The following ZP2 variants were observed in gnomAD, a reference collection of about 807,000 sequenced individuals.
ZP2 encodes the protein zona pellucida sperm-binding protein 2.
Under a neutral mutation model 84.0 loss-of-function variants are expected in ZP2, and 51 were observed. The ratio of observed to expected loss-of-function variants is 0.61; its 90% CI spans 0.49 to 0.77. The LOEUF (loss-of-function observed/expected upper bound fraction) is 0.77, where lower values mean the gene tolerates loss of function less well. Among genes scored for constraint, ZP2 ranks in the 30% least tolerant of loss-of-function variants. The pLI is 0.00. For missense variants in ZP2, 909 were observed against 911.9 expected (o/e 1.00, Z 0.04); for synonymous variants, 375 against 330.9 (o/e 1.13, Z -1.45).
At chr16:21,213,686 T>G (rs1234000330), upstream of ZP2, among the ~76,000 whole-genome samples, 5 of 152,162 alleles carry the variant, frequency 3.3e-5, no homozygotes, top group African/African-American at 9.7e-5. Flanking sequence ...GTGGTTAACC[T>G]CCTTACGGGA....
chr16:21,201,274 CTG>C, intron 14 of ZP2, 93 bp downstream of exon 14: 1 of 1,123,800 alleles, frequency 8.9e-7, no homozygotes, highest in Non-Finnish European at 1.2e-6. Flanking sequence ...TCTCACATGA[CTG>C]AATGCTGCTC....
intron 5 of ZP2, among the ~76,000 whole-genome samples, chr16:21,206,319 G>T (rs778086447): frequency 5.9e-5 from 9 of 152,102 alleles, no homozygotes; most frequent in Non-Finnish European, 1.2e-4. Flanking sequence ...TTAAACGTTT[G>T]CCCTTTCACC....
Position 21,197,531 on chromosome 16 carries a change from A to G in ZP2, c.2187T>C (p.Thr729=), listed in dbSNP as rs1353907785. Residue 729 remains threonine, a synonymous_variant, in exon 19 of 19, where the codon ACT becomes ACC. Coordinates refer to ENST00000574091, the MANE Select transcript of ZP2 (RefSeq NM_001376232.1). ...AVAAFAGVVA[T]LGFIYYLYEK... ...CGTACAGGTAGTAGATGAAGCCTAG[A>G]GTTGCCACCACACCTGCAAAGGCAG... 6.2e-7 allele frequency: 1 copy of G among 1,614,058 alleles called. No homozygotes were observed. The highest frequency in any genetic ancestry group is 8.5e-7 in the Non-Finnish European group (1 of 1,180,026).
At chr16:21,201,649 C>T (rs2093225827) in intron 13 of ZP2, 57 bp downstream of exon 13, 17 of 1,612,560 alleles carry the variant, frequency 1.1e-5, no homozygotes, top group Non-Finnish European at 1.4e-5. Context: ...TCAGGATGTT[C>T]ATTTTAGGGA....
Position 21,199,791 on chromosome 16 carries a change from G to A in ZP2, c.1782C>T (p.Asp594=). 6.2e-7 allele frequency: 1 copy of A among 1,614,080 alleles called. No homozygotes were observed. The highest frequency in any genetic ancestry group is 8.5e-7 in the Non-Finnish European group (1 of 1,180,022). ...VTHPDHYQRF[D]MKAFAFVSEA... is the part of the protein sequence containing the mutation. The stretch of plus-strand genomic sequence containing the variant: ...CTGATACAAAGGCAAAAGCCTTCAT[G>A]TCAAACCTCTGATAGTGATCAGGAT... Residue 594 remains aspartate, a synonymous_variant, in exon 15 of 19, where the codon GAC becomes GAT. Transcript: ENST00000574091.
intron 4 of ZP2, among the ~76,000 whole-genome samples, chr16:21,208,602 T>C (rs957735080): frequency 3.9e-5 from 6 of 152,208 alleles, no homozygotes; most frequent in African/African-American, 1.4e-4. Flanking sequence ...CTTAGACAGG[T>C]TGCTTTTATT....
At chr16:21,206,006 T>G (rs568154405) in intron 5 of ZP2, 36 of 555,532 alleles carry the variant, frequency 6.5e-5, no homozygotes, top group African/African-American at 5.9e-4. Context: ...TTGGGACACA[T>G]TTCTCCCCCC....
chr16:21,209,914 C>A, intron 3 of ZP2, 189 bp from the exon 4 acceptor site: 1 of 690,874 alleles, frequency 1.4e-6, no homozygotes. Flanking sequence ...GAGATGCTGG[C>A]ATAAGACACA....
rs1211033676 is a variant in ZP2 at position 21,201,814 on chromosome 16, A to C, written c.1396T>G (p.Ser466Ala). 6.2e-7 allele frequency: 1 copy of C among 1,614,144 alleles called. No homozygotes were observed. The highest frequency in any genetic ancestry group is 8.5e-7 in the Non-Finnish European group (1 of 1,180,006). ...AGTAGCATGTCATTCCTGCTATAAG[A>C]ACACTTCACTGTCATTCTGTAAGAG... ...DSEFRMTVKC[S>A]YSRNDMLLNI... The change falls in exon 13 of 19, where the codon TCT becomes GCT. Residue 466 changes from serine (S) to alanine (A), a missense_variant. Ser to Ala is a moderately conservative substitution (Grantham distance 99, BLOSUM62 1). Transcript: ENST00000574091.
At position 21,211,394 on chromosome 16, in the gene ZP2, T is replaced by C; in HGVS notation, c.64A>G (p.Thr22Ala). Reference protein sequence around the residue: ...PSGWFNAGWSTYRSISLFFAL... With the variant: ...PSGWFNAGWSAYRSISLFFAL... ...AAGAAGAGAGAAATCGACCTGTAGG[T>C]GCTGGAAAGAGACAGGGAGATAGTC... Residue 22 changes from threonine (T) to alanine (A), a missense_variant and splice_region_variant, in exon 2 of 19, where the codon ACC becomes GCC. By Grantham distance (58) the Thr-to-Ala change is moderately conservative (BLOSUM62 0). Coordinates refer to ENST00000574091, the MANE Select transcript of ZP2 (RefSeq NM_001376232.1). 6.2e-7 allele frequency: 1 copy of C among 1,614,118 alleles called. No individual in the cohort carries two copies. The highest frequency in any genetic ancestry group is 8.5e-7 in the Non-Finnish European group (1 of 1,180,020).
intron 9 of ZP2, 133 bp downstream of exon 9, chr16:21,203,897 C>T (rs1454591994): frequency 3.4e-6 from 3 of 871,476 alleles, no homozygotes; most frequent in Non-Finnish European, 5.5e-6. Context: ...TCAAATGAGG[C>T]CTTTTGGAGT....
chr16:21,198,620 G>C (rs183279599), intron 17 of ZP2, among the ~76,000 whole-genome samples, 159 bp downstream of exon 17: 1 of 152,276 alleles, frequency 6.6e-6, no homozygotes, highest in Admixed American at 6.5e-5. Flanking sequence ...AGGGTACACA[G>C]GAGACTTAAT....
rs186418029 is a variant in ZP2, at chr16:21,197,710, A to G, written c.2095+56T>C. 738 of 1,612,324 alleles carry G rather than the reference A, an allele frequency of 4.6e-4. 3 individuals are homozygous for G. The Middle Eastern group carries it at 6.4e-3, about 14-fold the overall frequency. On this transcript the variant is annotated intron_variant, in intron 18 of 18. Transcript: ENST00000574091. ...CATAAGGCTCCCCAGAGAAGGGGGT[A>G]AAACTAAGCCTTCAACAGGCTTATT...
rs1392665691 is a variant in ZP2, at chr16:21,211,474, A to G, written c.62+12T>C. ...TACCATACCCCCTCCCTCCACTTCC[A>G]GAATTACTCACCTCCAGCCTGCATT... On this transcript the variant is annotated intron_variant, in intron 1 of 18. Coordinates refer to ENST00000574091, the MANE Select transcript of ZP2 (RefSeq NM_001376232.1). 4 of 1,614,086 alleles carry G rather than the reference A, an allele frequency of 2.5e-6. No individual in the cohort carries two copies. The highest frequency in any genetic ancestry group is 3.4e-6 in the Non-Finnish European group (4 of 1,179,958).
Position 21,210,701 on chromosome 16 carries a change from A to G in ZP2, c.152-509T>C, listed in dbSNP as rs112340836. 3.3e-3 allele frequency among the ~76,000 whole-genome samples: 503 copies of G among 152,034 alleles called. 1 individual carries two copies. The highest frequency in any genetic ancestry group is 0.011 in the African/African-American group (462 of 41,472). On this transcript the variant is annotated intron_variant, in intron 2 of 18. Coordinates refer to ENST00000574091, the MANE Select transcript of ZP2 (RefSeq NM_001376232.1). Reference sequence around the variant, plus strand: ...GCGATTCTCCTGCCTCAGCCTCCCAAGTAGCTGGGATTACATGTGCCCACC... The same window carrying G: ...GCGATTCTCCTGCCTCAGCCTCCCAGGTAGCTGGGATTACATGTGCCCACC...
upstream of ZP2, among the ~76,000 whole-genome samples, chr16:21,212,118 G>A (rs8053098): frequency 3.0e-3 from 454 of 152,162 alleles, 2 homozygotes; most frequent in African/African-American, 0.01. Flanking sequence ...AGTAAAGATT[G>A]GGTTTCACCG....
At chr16:21,207,098 C>T in intron 4 of ZP2, 108 bp from the exon 5 acceptor site, 1 of 1,329,304 alleles carries the variant, frequency 7.5e-7, no homozygotes, top group Non-Finnish European at 1.0e-6. Context: ...TTACTAATAC[C>T]ACAAGTGCTG....
At chr16:21,206,205 C>T (rs1452476948) in intron 5 of ZP2, among the ~76,000 whole-genome samples, 1 of 152,158 alleles carries the variant, frequency 6.6e-6, no homozygotes, top group East Asian at 1.9e-4. Flanking sequence ...CCATGTTGGT[C>T]AGGCTGGTCT....
At chr16:21,207,071 T>G in intron 4 of ZP2, 81 bp from the exon 5 acceptor site, 1 of 1,550,246 alleles carries the variant, frequency 6.5e-7, no homozygotes, top group Non-Finnish European at 8.8e-7. Context: ...CCCATCTGAG[T>G]GGGAAAACCC....
Sources: gnomAD v4.1 joint callset for allele counts (sites outside exome capture counted in the v4.1 genomes callset) on GRCh38, gnomAD v4.1.1 for gene constraint, MANE v1.5 for transcripts, NCBI Gene and HGNC (gene_info 2026-07-23, HGNC 2026-07-21) for gene names.